CNTN4: variants seen among roughly 807,000 people sequenced by gnomAD.
CNTN4 encodes contactin-4.
CNTN4 carries 77 observed loss-of-function variants against 122.5 expected under a neutral mutation model. That is an observed-to-expected ratio of 0.63 (90% CI 0.52 to 0.76). CNTN4 has a LOEUF of 0.76. Ranked by LOEUF, CNTN4 falls within the 30% of genes least tolerant of loss-of-function variation. The pLI is 0.00. For synonymous variants in CNTN4, 512 were observed against 447.0 expected, an observed-to-expected ratio of 1.15 and a Z score of -1.83; for missense variants, 1,256 against 1,259.1, an observed-to-expected ratio of 1.00 and a Z score of 0.04.
rs555592251 is a variant in CNTN4 at position 2,396,043 on chromosome 3, AT to A, written c.-89+56824del. On this transcript the variant is annotated intron_variant, in intron 3 of 24. Transcript: ENST00000418658. Reference sequence around the variant, plus strand: ...CCTTATGGGGCTGTTTGTTGTTGTTATTTTTTTTTTTTTTAGACAAAGCCTC... The same window carrying A: ...CCTTATGGGGCTGTTTGTTGTTGTTATTTTTTTTTTTTTAGACAAAGCCTC... Among the ~76,000 whole-genome samples the A allele has an allele frequency of 7.1e-3, 998 of 139,936 alleles. 3 individuals are homozygous for A. Among genetic ancestry groups the A allele is most frequent in the South Asian group, 0.013 (55 of 4,356 alleles). The allele number at this position is 139,936 out of a possible 152,430, so 91.8% of individuals were successfully genotyped here. A position where few individuals can be genotyped will look rare whatever the true frequency, so the allele number is the denominator to read the frequency against.
At chr3:2,359,828 G>A (rs193015391) in intron 3 of CNTN4, among the ~76,000 whole-genome samples, 10 of 152,120 alleles carry the variant, frequency 6.6e-5, no homozygotes, top group South Asian at 2.1e-4. Context: ...CGAGAGCCAC[G>A]GCACCTGGCC....
chr3:2,803,827 C>T (rs1322687061), intron 6 of CNTN4, among the ~76,000 whole-genome samples: 1 of 152,020 alleles, frequency 6.6e-6, no homozygotes, highest in East Asian at 1.9e-4. Flanking sequence ...TCCCAAAGTA[C>T]TGGGATTACA....
At chr3:2,764,556 T>C (rs2090752810) in intron 6 of CNTN4, among the ~76,000 whole-genome samples, 1 of 152,202 alleles carries the variant, frequency 6.6e-6, no homozygotes, top group African/African-American at 2.4e-5. Flanking sequence ...GAGTTTGTCC[T>C]GCATTTTAGC....
chr3:2,323,479 A>G (rs2043342229), intron 2 of CNTN4, among the ~76,000 whole-genome samples: 1 of 152,186 alleles, frequency 6.6e-6, no homozygotes, highest in East Asian at 1.9e-4. Context: ...AGACTTTTAG[A>G]AGTATTTGTA....
intron 2 of CNTN4, among the ~76,000 whole-genome samples, chr3:2,128,756 A>G (rs2034304317): frequency 6.6e-6 from 1 of 152,210 alleles, no homozygotes; most frequent in South Asian, 2.1e-4. Context: ...GATGACTTAG[A>G]TCTGCTTTGC....
intron 2 of CNTN4, among the ~76,000 whole-genome samples, chr3:2,250,446 A>C (rs2040331684): frequency 6.6e-6 from 1 of 151,928 alleles, no homozygotes; most frequent in Non-Finnish European, 1.5e-5. Flanking sequence ...CTTATTTTTT[A>C]ATCTATAAAA....
intron 6 of CNTN4, among the ~76,000 whole-genome samples, chr3:2,763,898 T>C (rs1325213359): frequency 6.6e-6 from 1 of 152,142 alleles, no homozygotes; most frequent in East Asian, 1.9e-4. Context: ...TATAGTATAG[T>C]TTGAAGTTGG....
intron 6 of CNTN4, among the ~76,000 whole-genome samples, chr3:2,812,957 A>G (rs1427601051): frequency 6.6e-6 from 1 of 152,066 alleles, no homozygotes; most frequent in East Asian, 1.9e-4. Flanking sequence ...CTTGCTATAT[A>G]CTCTCTTACA....
At chr3:2,713,533 C>G (rs1195694277) in intron 4 of CNTN4, among the ~76,000 whole-genome samples, 1 of 152,144 alleles carries the variant, frequency 6.6e-6, no homozygotes, top group Admixed American at 6.5e-5. Context: ...TTCCTTTCCT[C>G]TGGATATAGG....
intron 6 of CNTN4, among the ~76,000 whole-genome samples, chr3:2,764,624 G>A (rs1221079126): frequency 6.6e-6 from 1 of 152,164 alleles, no homozygotes; most frequent in East Asian, 1.9e-4. Flanking sequence ...TTAAGATTAG[G>A]AAAATTCTCA....
chr3:2,473,459 C>A (rs2075751592), intron 3 of CNTN4, among the ~76,000 whole-genome samples: 1 of 152,114 alleles, frequency 6.6e-6, no homozygotes, highest in Admixed American at 6.6e-5. Flanking sequence ...TAGCTGCTAG[C>A]CACCTGTGTC....
At chr3:2,471,173 A>G (rs2075671578) in intron 3 of CNTN4, among the ~76,000 whole-genome samples, 1 of 152,226 alleles carries the variant, frequency 6.6e-6, no homozygotes, top group Non-Finnish European at 1.5e-5. Flanking sequence ...CATCACCCAG[A>G]TATGTAAAGA....
intron 4 of CNTN4, among the ~76,000 whole-genome samples, chr3:2,618,647 C>G (rs1272992726): frequency 6.6e-6 from 1 of 152,124 alleles, no homozygotes; most frequent in Non-Finnish European, 1.5e-5. Context: ...ATAATTAACA[C>G]AGAAAGTCAG....
At chr3:2,631,865 CA>C (rs1157671569) in intron 4 of CNTN4, among the ~76,000 whole-genome samples, 27 of 70,156 alleles carry the variant, frequency 3.8e-4, no homozygotes, top group Admixed American at 5.2e-4. Flanking sequence ...CGTATCTCTA[CA>C]AAAAAAAAAA....
chr3:2,970,536 T>G (rs951255537), intron 13 of CNTN4, among the ~76,000 whole-genome samples: 6 of 152,102 alleles, frequency 3.9e-5, no homozygotes, highest in African/African-American at 1.2e-4. Flanking sequence ...AGCCTCGACC[T>G]GCTGGGCTCA....
At chr3:2,819,668 C>T (rs892642833) in intron 7 of CNTN4, 87 bp downstream of exon 7, 2 of 995,804 alleles carry the variant, frequency 2.0e-6, no homozygotes, top group Admixed American at 1.8e-5. Flanking sequence ...CAGCTGAGTG[C>T]ACAGTGTCAT....
At chr3:2,741,734 G>A (rs531077048) in intron 5 of CNTN4, among the ~76,000 whole-genome samples, 96 of 152,302 alleles carry the variant, frequency 6.3e-4, no homozygotes, top group African/African-American at 2.2e-3. Context: ...GATGTTAGCC[G>A]TAAATGAAAA....
intron 17 of CNTN4, among the ~76,000 whole-genome samples, chr3:3,036,649 C>T (rs2125716981): frequency 6.6e-6 from 1 of 151,682 alleles, no homozygotes; most frequent in African/African-American, 2.4e-5. Flanking sequence ...CACCTGTAGT[C>T]CCTGCTACTC....
chr3:2,352,814 G>A (rs1429334878), intron 3 of CNTN4, among the ~76,000 whole-genome samples: 4 of 152,224 alleles, frequency 2.6e-5, no homozygotes, highest in Admixed American at 6.5e-5. Flanking sequence ...TCTACTAGGC[G>A]AAGCCAGCTG....
Sources: allele counts gnomAD v4.1 joint callset (sites outside exome capture counted in the v4.1 genomes callset), GRCh38; gene constraint gnomAD v4.1.1; transcripts MANE v1.5; gene names NCBI Gene and HGNC (gene_info 2026-07-23, HGNC 2026-07-21).